KLHL1: variants seen among roughly 807,000 people sequenced by gnomAD.
The protein encoded by KLHL1 is kelch like family member 1.
In KLHL1, 47 loss-of-function variants were observed where a neutral mutation model predicts 77.7. The ratio of observed to expected loss-of-function variants is 0.60; its 90% CI spans 0.48 to 0.77. The LOEUF (loss-of-function observed/expected upper bound fraction) is 0.77, where lower values mean the gene tolerates loss of function less well. KLHL1 is among the 30% of genes least tolerant of loss of function. KLHL1 has a pLI of 0.00. For missense variants in KLHL1, 925 were observed against 910.8 expected, an observed-to-expected ratio of 1.02 and a Z score of -0.20; for synonymous variants, 360 against 325.2, an observed-to-expected ratio of 1.11 and a Z score of -1.15.
intron 1 of KLHL1, among the ~76,000 whole-genome samples, chr13:70,001,053 A>G (rs1885276117): frequency 6.6e-6 from 1 of 151,304 alleles, no homozygotes; most frequent in African/African-American, 2.4e-5. Context: ...AAGTAAAGAA[A>G]TGGTATATGT....
chr13:69,786,870 A>G (rs969214267), intron 7 of KLHL1, among the ~76,000 whole-genome samples: 9 of 152,204 alleles, frequency 5.9e-5, no homozygotes, highest in Non-Finnish European at 1.0e-4. Flanking sequence ...ATAACAGACA[A>G]ACAGAGCCGA....
intron 1 of KLHL1, among the ~76,000 whole-genome samples, chr13:70,000,084 C>T (rs944327814): frequency 6.6e-6 from 1 of 152,056 alleles, no homozygotes; most frequent in African/African-American, 2.4e-5. Context: ...TTAAAAGAGG[C>T]TGGCACCTCT....
At chr13:69,797,727 G>A (rs1310021452) in intron 6 of KLHL1, among the ~76,000 whole-genome samples, 1 of 150,544 alleles carries the variant, frequency 6.6e-6, no homozygotes, top group Non-Finnish European at 1.5e-5. Context: ...TACTCAGGAG[G>A]CTGAGGCAGG....
At chr13:69,892,445 A>C (rs1396402695) in intron 4 of KLHL1, among the ~76,000 whole-genome samples, 1 of 152,178 alleles carries the variant, frequency 6.6e-6, no homozygotes, top group Non-Finnish European at 1.5e-5. Context: ...AGAAAGTTGT[A>C]ATGCAAGATA....
At chr13:69,799,311 C>T (rs1877270359) in intron 6 of KLHL1, among the ~76,000 whole-genome samples, 1 of 152,140 alleles carries the variant, frequency 6.6e-6, no homozygotes, top group South Asian at 2.1e-4. Flanking sequence ...TCCAGTTACC[C>T]TCCTCAGAGG....
chr13:69,807,802 T>C (rs965242903), intron 6 of KLHL1, among the ~76,000 whole-genome samples: 13 of 151,440 alleles, frequency 8.6e-5, no homozygotes, highest in African/African-American at 2.7e-4. Flanking sequence ...GTGCGAGGAG[T>C]GTTGCTGAAG....
intron 1 of KLHL1, among the ~76,000 whole-genome samples, chr13:70,025,903 C>T (rs529315261): frequency 1.6e-3 from 250 of 152,048 alleles, no homozygotes; most frequent in Admixed American, 2.8e-3. Flanking sequence ...TCAGTGGAAG[C>T]GCTAGAGCTA....
intron 3 of KLHL1, among the ~76,000 whole-genome samples, chr13:69,951,725 T>C (rs1339569986): frequency 1.3e-5 from 2 of 151,422 alleles, no homozygotes; most frequent in East Asian, 1.9e-4. Flanking sequence ...ATGCTTCATA[T>C]GTTACCTCCT....
At chr13:69,956,727 T>TA (rs1327080762) in intron 3 of KLHL1, among the ~76,000 whole-genome samples, 1 of 151,626 alleles carries the variant, frequency 6.6e-6, no homozygotes, top group Non-Finnish European at 1.5e-5. Flanking sequence ...TTAAGAAATT[T>TA]AGAGGCTTTG....
At position 69,810,616 on chromosome 13, in the gene KLHL1, T is replaced by A. The variant is rs376142915; in HGVS notation, c.1415-13654A>T. Among the ~76,000 whole-genome samples, 36 of 151,390 alleles carry A rather than the reference T, an allele frequency of 2.4e-4. No homozygotes were observed. The East Asian group carries it at 6.6e-3, about 28-fold the overall frequency. On this transcript the variant is annotated intron_variant, in intron 6 of 10. Coordinates refer to ENST00000377844, the MANE Select transcript of KLHL1 (RefSeq NM_020866.3). ...CTCAAATTAGCAACCTAACCGAACA[T>A]CCAAAGGAACTAGAAAAACAAGAAC...
chr13:69,805,202 T>C (rs1322051438), intron 6 of KLHL1, among the ~76,000 whole-genome samples: 1 of 151,920 alleles, frequency 6.6e-6, no homozygotes, highest in Non-Finnish European at 1.5e-5. Context: ...GCAACCAAAA[T>C]ATTCCATATC....
chr13:70,044,794 T>C (rs1175845337), intron 1 of KLHL1, among the ~76,000 whole-genome samples: 1 of 152,212 alleles, frequency 6.6e-6, no homozygotes, highest in Admixed American at 6.5e-5. Flanking sequence ...ACCTTTATCA[T>C]TAAGAAGAAA....
At chr13:70,036,451 T>G (rs1401748114) in intron 1 of KLHL1, among the ~76,000 whole-genome samples, 1 of 152,010 alleles carries the variant, frequency 6.6e-6, no homozygotes, top group African/African-American at 2.4e-5. Flanking sequence ...CTATCCTGAT[T>G]AGTTTTGTAA....
At chr13:69,775,983 T>A (rs1281485386) in intron 7 of KLHL1, among the ~76,000 whole-genome samples, 1 of 147,654 alleles carries the variant, frequency 6.8e-6, no homozygotes, top group East Asian at 2.0e-4. Flanking sequence ...AAGCCCTGTC[T>A]CTACTAAAAT....
intron 7 of KLHL1, among the ~76,000 whole-genome samples, chr13:69,751,337 G>A (rs1310496468): frequency 6.6e-6 from 1 of 151,928 alleles, no homozygotes; most frequent in African/African-American, 2.4e-5. Context: ...TACCCTCACA[G>A]AACGCGTACA....
At chr13:69,873,754 A>G (rs536559986) in intron 5 of KLHL1, among the ~76,000 whole-genome samples, 42 of 152,336 alleles carry the variant, frequency 2.8e-4, no homozygotes, top group African/African-American at 9.9e-4. Flanking sequence ...CAGAACTTAA[A>G]GTATATATAT....
intron 1 of KLHL1, among the ~76,000 whole-genome samples, chr13:70,024,787 A>G (rs1468784344): frequency 1.3e-5 from 2 of 151,876 alleles, no homozygotes; most frequent in African/African-American, 2.4e-5. Flanking sequence ...AAATTTAGGA[A>G]GGGGTACTCA....
rs71116972 is a variant in KLHL1, at chr13:70,001,657, TTATCTATC to T, written c.498-25863_498-25856del. Among the ~76,000 whole-genome samples, 886 of 145,368 alleles carry T rather than the reference TTATCTATC, an allele frequency of 6.1e-3. 11 individuals carry two copies. The highest frequency in any genetic ancestry group is 0.019 in the African/African-American group (751 of 39,816). On this transcript the variant is annotated intron_variant, in intron 1 of 10. Transcript: ENST00000377844. ...ACTGAAACATTGGGATATCTATCTATTATCTATCTATCTATCTATCTATCTATCTATCT... is the reference window on the plus strand; with the variant it reads ...ACTGAAACATTGGGATATCTATCTATTATCTATCTATCTATCTATCTATCT...
At chr13:70,011,731 G>C (rs984118149) in intron 1 of KLHL1, among the ~76,000 whole-genome samples, 2 of 152,180 alleles carry the variant, frequency 1.3e-5, no homozygotes, top group Non-Finnish European at 2.9e-5. Flanking sequence ...AGAGTTCTTA[G>C]AAAAGTCAGG....
Sources: allele counts gnomAD v4.1 joint callset (sites outside exome capture counted in the v4.1 genomes callset), GRCh38; gene constraint gnomAD v4.1.1; transcripts MANE v1.5; gene names NCBI Gene and HGNC (gene_info 2026-07-23, HGNC 2026-07-21).